The following NARS2 variants were observed in gnomAD, a reference collection of about 807,000 sequenced individuals.
The protein encoded by NARS2 is asparaginyl-tRNA synthetase 2, mitochondrial.
Under a neutral mutation model 62.9 loss-of-function variants are expected in NARS2, and 60 were observed. That is an observed-to-expected ratio of 0.95 (90% CI 0.77 to 1.18). NARS2 has a LOEUF of 1.18. Ranked by LOEUF, NARS2 falls within the 50% of genes most tolerant of loss-of-function variation. The probability of loss-of-function intolerance (pLI) is 0.00; values close to 1 mark genes in which losing one functional copy is unlikely to be tolerated. For missense variants in NARS2, 619 were observed against 576.4 expected (o/e 1.07, Z -0.76); for synonymous variants, 196 against 200.0 (o/e 0.98, Z 0.17).
chr11:78,556,350 C>T (rs1224731668), intron 5 of NARS2, among the ~76,000 whole-genome samples: 1 of 152,164 alleles, frequency 6.6e-6, no homozygotes, highest in Non-Finnish European at 1.5e-5. Context: ...ATACATAAAG[C>T]AATTCCACCT....
intron 10 of NARS2, among the ~76,000 whole-genome samples, chr11:78,467,683 G>A (rs1211338769): frequency 6.6e-6 from 1 of 152,118 alleles, no homozygotes; most frequent in African/African-American, 2.4e-5. Context: ...GGTGATATTT[G>A]TCAAAGTGTA....
chr11:78,482,061 TAGTC>T (rs969606480), intron 7 of NARS2, among the ~76,000 whole-genome samples: 1 of 152,136 alleles, frequency 6.6e-6, no homozygotes, highest in Non-Finnish European at 1.5e-5. Flanking sequence ...CTCATGAAAT[TAGTC>T]AGAAACCTTT....
intron 11 of NARS2, among the ~76,000 whole-genome samples, chr11:78,450,517 G>A (rs1857930505): frequency 6.6e-6 from 1 of 152,062 alleles, no homozygotes; most frequent in South Asian, 2.1e-4. Flanking sequence ...TGACAAGAGT[G>A]CAAAGTTGCT....
chr11:78,551,867 A>G (rs1253746524), intron 5 of NARS2, among the ~76,000 whole-genome samples: 1 of 151,950 alleles, frequency 6.6e-6, no homozygotes, highest in Admixed American at 6.5e-5. Context: ...AAAACAAAAA[A>G]CAAACAAAAA....
intron 3 of NARS2, among the ~76,000 whole-genome samples, chr11:78,567,277 C>T (rs898288966): frequency 2.0e-5 from 3 of 152,052 alleles, no homozygotes; most frequent in Non-Finnish European, 2.9e-5. Flanking sequence ...TTTTTTCTTC[C>T]ACAACAATGG....
At chr11:78,453,246 C>G (rs1321662094) in intron 11 of NARS2, among the ~76,000 whole-genome samples, 6 of 152,148 alleles carry the variant, frequency 3.9e-5, no homozygotes. Flanking sequence ...TTGGGTACAT[C>G]TTGTAGGCCC....
At chr11:78,441,759 T>C (rs1857583175) in intron 12 of NARS2, among the ~76,000 whole-genome samples, 2 of 151,688 alleles carry the variant, frequency 1.3e-5, no homozygotes, top group African/African-American at 2.4e-5. Flanking sequence ...GTTAAGGTTG[T>C]TGGGAGGCAC....
chr11:78,458,933 T>G (rs957989226), intron 11 of NARS2, among the ~76,000 whole-genome samples: 2 of 152,028 alleles, frequency 1.3e-5, no homozygotes, highest in South Asian at 2.1e-4. Flanking sequence ...TTGTTTGTTT[T>G]TTTGAGATGG....
At chr11:78,515,834 A>T (rs1331182123) in intron 6 of NARS2, among the ~76,000 whole-genome samples, 1 of 152,188 alleles carries the variant, frequency 6.6e-6, no homozygotes, top group Admixed American at 6.5e-5. Context: ...TGAACTGTGT[A>T]CTTTTAATGG....
At chr11:78,445,730 G>A (rs950791974) in intron 11 of NARS2, among the ~76,000 whole-genome samples, 1 of 152,040 alleles carries the variant, frequency 6.6e-6, no homozygotes, top group Non-Finnish European at 1.5e-5. Flanking sequence ...TGGGAGGACT[G>A]CTTGAGGCCA....
At chr11:78,516,779 T>C (rs1381613079) in intron 6 of NARS2, among the ~76,000 whole-genome samples, 1 of 152,238 alleles carries the variant, frequency 6.6e-6, no homozygotes, top group Non-Finnish European at 1.5e-5. Context: ...ATAGAATTGA[T>C]AGAAACCCCT....
intron 6 of NARS2, among the ~76,000 whole-genome samples, chr11:78,510,026 C>G (rs903060937): frequency 2.6e-5 from 4 of 151,810 alleles, no homozygotes; most frequent in Non-Finnish European, 4.4e-5. Flanking sequence ...TGTTTCCCTA[C>G]AAAGAACCAA....
At chr11:78,478,025 G>A (rs1859177604) in intron 9 of NARS2, among the ~76,000 whole-genome samples, 1 of 152,132 alleles carries the variant, frequency 6.6e-6, no homozygotes, top group Admixed American at 6.6e-5. Flanking sequence ...GCAGATCACT[G>A]TGGTAATCTC....
intron 5 of NARS2, among the ~76,000 whole-genome samples, chr11:78,557,227 T>A (rs1204310297): frequency 6.6e-6 from 1 of 152,198 alleles, no homozygotes; most frequent in African/African-American, 2.4e-5. Context: ...TATCTTTAAA[T>A]GCAGTACTTA....
intron 5 of NARS2, among the ~76,000 whole-genome samples, chr11:78,551,105 G>C (rs542757309): frequency 6.6e-6 from 1 of 152,272 alleles, no homozygotes; most frequent in South Asian, 2.1e-4. Context: ...GTTTATTTTT[G>C]GGGTGATAAA....
At chr11:78,464,511 G>A (rs937863517) in intron 11 of NARS2, among the ~76,000 whole-genome samples, 2 of 152,094 alleles carry the variant, frequency 1.3e-5, no homozygotes, top group Non-Finnish European at 2.9e-5. Flanking sequence ...GGTTCTCCAC[G>A]TCCCCACCAG....
chr11:78,525,210 G>C (rs570787082), intron 6 of NARS2, among the ~76,000 whole-genome samples: 36 of 152,188 alleles, frequency 2.4e-4, no homozygotes. Flanking sequence ...TACTATAATG[G>C]TGAACGTATG....
chr11:78,444,336 G>A (rs1222239409), intron 11 of NARS2, among the ~76,000 whole-genome samples: 1 of 151,910 alleles, frequency 6.6e-6, no homozygotes, highest in African/African-American at 2.4e-5. Context: ...TTGTAGTATT[G>A]TTATTAGGAC....
At chr11:78,512,239 T>C (rs1044924653) in intron 6 of NARS2, among the ~76,000 whole-genome samples, 5 of 152,226 alleles carry the variant, frequency 3.3e-5, no homozygotes, top group African/African-American at 1.2e-4. Context: ...CTGATCTGTC[T>C]TGTGAGAGTC....
Sources: allele counts gnomAD v4.1 joint callset (sites outside exome capture counted in the v4.1 genomes callset), GRCh38; gene constraint gnomAD v4.1.1; transcripts MANE v1.5; gene names NCBI Gene and HGNC (gene_info 2026-07-23, HGNC 2026-07-21).